Variants in ARID4B observed in about 807,000 individuals in gnomAD.
ARID4B encodes AT-rich interactive domain-containing protein 4B.
Under a neutral mutation model 147.5 loss-of-function variants are expected in ARID4B, and 26 were observed. That is an observed-to-expected ratio of 0.18 (90% CI 0.13 to 0.24). The LOEUF is 0.24. Among genes scored for constraint, ARID4B ranks in the 10% least tolerant of loss-of-function variants. The pLI is 1.00. For missense variants in ARID4B, 1,179 were observed against 1,511.5 expected (o/e 0.78, Z 3.65); for synonymous variants, 512 against 507.9 (o/e 1.01, Z -0.11).
chr1:235,280,716 C>T (rs2103176836), intron 2 of ARID4B, among the ~76,000 whole-genome samples: 1 of 152,322 alleles, frequency 6.6e-6, no homozygotes, highest in African/African-American at 2.4e-5. Context: ...GCGCAGAGCC[C>T]ACTTGGTTAT....
chr1:235,196,124 A>G lies in ARID4B; in HGVS notation c.1842-9T>C, dbSNP rs369107313. 7.2e-7 allele frequency: 1 copy of G among 1,395,852 alleles called. No individual in the cohort carries two copies. Among genetic ancestry groups the G allele is most frequent in the African/African-American group, 1.4e-5 (1 of 68,972 alleles). The allele number at this position is 1,395,852 out of a possible 1,614,324, so 86.5% of individuals were successfully genotyped here. On this transcript the variant is annotated splice_polypyrimidine_tract_variant and intron_variant, in intron 17 of 23. Coordinates refer to ENST00000264183, the MANE Select transcript of ARID4B (RefSeq NM_016374.6). ...TAATCCATTCATCGTATCTAAAATT[A>G]AAGGAAATTAATATAAATATGTACA...
chr1:235,215,329 G>A (rs1046015513), intron 16 of ARID4B, among the ~76,000 whole-genome samples: 2 of 151,830 alleles, frequency 1.3e-5, no homozygotes, highest in East Asian at 3.9e-4. Context: ...ATTTAGTCTG[G>A]TTTTATTTGC....
chr1:235,219,579 G>A (rs1488295857), intron 16 of ARID4B, among the ~76,000 whole-genome samples: 1 of 152,136 alleles, frequency 6.6e-6, no homozygotes, highest in Non-Finnish European at 1.5e-5. Context: ...CATGATGAGA[G>A]CAAGAAGGGT....
intron 2 of ARID4B, among the ~76,000 whole-genome samples, chr1:235,278,738 A>G (rs1671494001): frequency 6.6e-6 from 1 of 152,224 alleles, no homozygotes; most frequent in African/African-American, 2.4e-5. Flanking sequence ...TGCACAACAC[A>G]GCAGGGTTGA....
chr1:235,308,276 GTA>G (rs1480709894), intron 2 of ARID4B, among the ~76,000 whole-genome samples: 1 of 122,664 alleles, frequency 8.2e-6, no homozygotes, highest in African/African-American at 3.0e-5. Context: ...TTTTTGTATT[GTA>G]TTTTTAGTAG....
intron 2 of ARID4B, among the ~76,000 whole-genome samples, chr1:235,309,733 G>T (rs200540791): frequency 2.0e-5 from 3 of 152,144 alleles, no homozygotes; most frequent in East Asian, 1.9e-4. Flanking sequence ...GAATAGAAAG[G>T]GGGGAAAGGT....
At chr1:235,246,318 T>A (rs924462956) in intron 7 of ARID4B, 102 bp downstream of exon 7, 1 of 894,574 alleles carries the variant, frequency 1.1e-6, no homozygotes, top group Admixed American at 2.1e-5. Context: ...TACTATTAGA[T>A]CTGGTTAGCA....
intron 17 of ARID4B, among the ~76,000 whole-genome samples, chr1:235,200,559 A>G (rs1665842585): frequency 1.3e-5 from 2 of 152,204 alleles, no homozygotes; most frequent in South Asian, 4.1e-4. Context: ...GACTGGCATA[A>G]TTACTGGTGC....
At chr1:235,193,270 G>A (rs1558187004) in intron 19 of ARID4B, among the ~76,000 whole-genome samples, 1 of 152,100 alleles carries the variant, frequency 6.6e-6, no homozygotes, top group African/African-American at 2.4e-5. Context: ...GGTGGCATGC[G>A]CCTGCAGCTC....
chr1:235,244,554 G>T (rs1021136080), intron 7 of ARID4B, among the ~76,000 whole-genome samples: 2 of 152,000 alleles, frequency 1.3e-5, no homozygotes, highest in Non-Finnish European at 2.9e-5. Context: ...ATTAAAGGTA[G>T]AATATACTGA....
In ARID4B at chr1:235,214,837, C is replaced by CTTTTTTTT. The variant is rs10657168; in HGVS notation, c.1584-819_1584-812dup. 1.8e-3 allele frequency among the ~76,000 whole-genome samples: 180 copies of CTTTTTTTT among 102,226 alleles called. 1 individual carries two copies. Among genetic ancestry groups the CTTTTTTTT allele is most frequent in the Non-Finnish European group, 2.1e-3 (113 of 55,020 alleles). The allele number at this position is 102,226 out of a possible 152,430, so 67.1% of individuals were successfully genotyped here. On this transcript the variant is annotated intron_variant, in intron 16 of 23. Coordinates refer to ENST00000264183, the MANE Select transcript of ARID4B (RefSeq NM_016374.6). ...ACTATTCTAGAAAGAGTATTACATC[C>CTTTTTTTT]TTTTTTTTTTTTTTTTTTTTGATAG...
chr1:235,266,521 A>G (rs1372821973), intron 2 of ARID4B, among the ~76,000 whole-genome samples: 1 of 152,190 alleles, frequency 6.6e-6, no homozygotes, highest in Non-Finnish European at 1.5e-5. Context: ...GCTACCTCAC[A>G]GTTTTCCAGC....
intron 17 of ARID4B, among the ~76,000 whole-genome samples, chr1:235,206,588 G>C (rs1281621219): frequency 6.6e-6 from 1 of 152,116 alleles, no homozygotes; most frequent in Non-Finnish European, 1.5e-5. Context: ...TTTTGAGAAA[G>C]GAAGAAAAGG....
chr1:235,313,481 C>T (rs1166371189), intron 2 of ARID4B, among the ~76,000 whole-genome samples: 1 of 152,140 alleles, frequency 6.6e-6, no homozygotes, highest in Non-Finnish European at 1.5e-5. Context: ...AGGGCTCCTA[C>T]AGTCATTCGC....
At chr1:235,173,802 A>ATG (rs1558165974) in intron 22 of ARID4B, among the ~76,000 whole-genome samples, 5 of 81,912 alleles carry the variant, frequency 6.1e-5, no homozygotes, top group African/African-American at 2.5e-4. Flanking sequence ...ATATATATAT[A>ATG]TATATATATA....
At chr1:235,263,608 T>C (rs1572104812) in intron 2 of ARID4B, among the ~76,000 whole-genome samples, 2 of 152,138 alleles carry the variant, frequency 1.3e-5, no homozygotes, top group Non-Finnish European at 2.9e-5. Context: ...CAAACTATTC[T>C]TTTGAAGGGC....
intron 21 of ARID4B, 115 bp from the exon 22 acceptor site, chr1:235,175,514 C>A: frequency 1.3e-6 from 1 of 798,192 alleles, no homozygotes. Flanking sequence ...AAACAACCTG[C>A]CTAGAAACCT....
rs1558233513 is a variant in ARID4B at position 235,236,844 on chromosome 1, A to ATATATATATATATGTG, written c.586-2353_586-2352insCACATATATATATATA. ...ACGGTTTTATAAAAAATATATATATATATATATATATATATATATTTTTTT... is the reference window on the plus strand; with the variant it reads ...ACGGTTTTATAAAAAATATATATATATATATATATATATGTGTATATATATATATATATATTTTTTT... On this transcript the variant is annotated intron_variant, in intron 8 of 23. Coordinates refer to ENST00000264183, the MANE Select transcript of ARID4B (RefSeq NM_016374.6). 2.7e-4 allele frequency among the ~76,000 whole-genome samples: 9 copies of ATATATATATATATGTG among 32,730 alleles called. 1 individual carries two copies. The highest frequency in any genetic ancestry group is 6.0e-3 in the South Asian group (2 of 332). 21.5% of individuals were successfully genotyped at this position (32,730 alleles called of 152,430 possible).
chr1:235,272,999 T>C (rs1671090570), intron 2 of ARID4B, among the ~76,000 whole-genome samples: 1 of 152,102 alleles, frequency 6.6e-6, no homozygotes, highest in Non-Finnish European at 1.5e-5. Context: ...AGTGGCAATT[T>C]TGTTTGGGTA....
Sources: gnomAD v4.1 joint callset for allele counts (sites outside exome capture counted in the v4.1 genomes callset) on GRCh38, gnomAD v4.1.1 for gene constraint, MANE v1.5 for transcripts, NCBI Gene and HGNC (gene_info 2026-07-23, HGNC 2026-07-21) for gene names.